The following ARSB variants were observed in gnomAD, a reference collection of about 807,000 sequenced individuals.
ARSB encodes the protein N-acetylgalactosamine-4-sulfatase.
A neutral mutation model predicts 50.9 loss-of-function variants in ARSB; 41 were observed. The observed-to-expected ratio is 0.81, with a 90% CI of 0.63 to 1.04. ARSB has a LOEUF of 1.04. ARSB is among the 50% of genes least tolerant of loss of function. The pLI, the probability that ARSB is intolerant of heterozygous loss-of-function variation, is 0.00. For missense variants in ARSB, 672 were observed against 693.3 expected (o/e 0.97, Z 0.35); for synonymous variants, 269 against 284.8 (o/e 0.94, Z 0.56).
At position 78,846,962 on chromosome 5, in the gene ARSB, G is replaced by C. The variant is rs186486085; in HGVS notation, c.1143-7536C>G. ...TAGTTGAGTGTTTTGATTATGAAGC[G>C]ATGTTGAATTGTATCAAATCCTTTT... On this transcript the variant is annotated intron_variant, in intron 5 of 7. Transcript: ENST00000264914. Among the ~76,000 whole-genome samples, 90 of 152,146 alleles carry C rather than the reference G, an allele frequency of 5.9e-4. 1 individual carries two copies. The highest frequency in any genetic ancestry group is 2.1e-3 in the African/African-American group (87 of 41,512).
At chr5:78,953,537 T>C (rs1751575227) in intron 4 of ARSB, among the ~76,000 whole-genome samples, 1 of 152,178 alleles carries the variant, frequency 6.6e-6, no homozygotes, top group Non-Finnish European at 1.5e-5. Flanking sequence ...TATGCCTGAT[T>C]GAAAGCAAAA....
In ARSB at chr5:78,964,406, C is replaced by T. The variant is rs1346024537; in HGVS notation, c.690+10G>A. On this transcript the variant is annotated intron_variant, in intron 3 of 7. Coordinates refer to ENST00000264914, the MANE Select transcript of ARSB (RefSeq NM_000046.5). ...AGATTTTGCTATCAGTAAATAGAAG[C>T]AAAACTTACCTTCTCTGGTGGATGG... 2 of 1,613,372 alleles carry T rather than the reference C, an allele frequency of 1.2e-6. No individual in the cohort carries two copies. Among genetic ancestry groups the T allele is most frequent in the Admixed American group, 3.3e-5 (2 of 60,018 alleles).
At chr5:78,949,737 T>C (rs968072275) in intron 4 of ARSB, among the ~76,000 whole-genome samples, 1 of 152,006 alleles carries the variant, frequency 6.6e-6, no homozygotes, top group African/African-American at 2.4e-5. Flanking sequence ...TGGCGAAACC[T>C]TGTCTCTCCT....
chr5:78,800,685 A>C (rs2112644838), intron 6 of ARSB, among the ~76,000 whole-genome samples: 1 of 152,366 alleles, frequency 6.6e-6, no homozygotes, highest in South Asian at 2.1e-4. Flanking sequence ...TAAGAAGCTT[A>C]GAATGAATTG....
intron 6 of ARSB, among the ~76,000 whole-genome samples, chr5:78,801,166 C>T (rs146693998): frequency 3.1e-3 from 474 of 152,264 alleles, no homozygotes; most frequent in Admixed American, 4.6e-3. Context: ...AGACACATCT[C>T]CATGTTCATT....
At chr5:78,855,794 T>A (rs894063) in intron 5 of ARSB, among the ~76,000 whole-genome samples, 8,108 of 152,162 alleles carry the variant, frequency 0.053, 491 homozygotes, top group African/African-American at 0.15. Context: ...TCCTTTTGTT[T>A]ACCTCCTTGC....
intron 6 of ARSB, among the ~76,000 whole-genome samples, chr5:78,822,082 G>C (rs1459386158): frequency 6.6e-6 from 1 of 152,018 alleles, no homozygotes; most frequent in Non-Finnish European, 1.5e-5. Flanking sequence ...TTTCTGTTGG[G>C]GTAATGAATT....
intron 5 of ARSB, 69 bp from the exon 6 acceptor site, chr5:78,839,495 C>A: frequency 7.2e-7 from 1 of 1,382,284 alleles, no homozygotes; most frequent in East Asian, 2.3e-5. Flanking sequence ...TTAATACTTC[C>A]CTTCCTTGTA....
intron 4 of ARSB, among the ~76,000 whole-genome samples, chr5:78,947,975 C>A (rs892176175): frequency 6.6e-6 from 1 of 152,140 alleles, no homozygotes; most frequent in Admixed American, 6.6e-5. Context: ...AGATCAACCA[C>A]GTGCAACAAC....
chr5:78,885,934 A>G, intron 4 of ARSB, 107 bp from the exon 5 acceptor site: 2 of 1,566,024 alleles, frequency 1.3e-6, no homozygotes, highest in Non-Finnish European at 1.7e-6. Flanking sequence ...AATAATAAAA[A>G]AAAAGAAAAT....
chr5:78,851,336 G>A (rs562106675), intron 5 of ARSB, among the ~76,000 whole-genome samples: 1 of 152,222 alleles, frequency 6.6e-6, no homozygotes, highest in African/African-American at 2.4e-5. Flanking sequence ...TCATTCAGGA[G>A]TAGGTTGTTC....
At chr5:78,788,065 G>T (rs905802928) in intron 6 of ARSB, among the ~76,000 whole-genome samples, 2 of 152,218 alleles carry the variant, frequency 1.3e-5, no homozygotes, top group African/African-American at 4.8e-5. Flanking sequence ...TTCAGATGGC[G>T]AATCAGAAGA....
intron 6 of ARSB, among the ~76,000 whole-genome samples, chr5:78,785,241 T>A (rs973747917): frequency 1.3e-5 from 2 of 151,936 alleles, no homozygotes; most frequent in East Asian, 1.9e-4. Context: ...TTATTTTTTT[T>A]ATAACCTTTT....
At chr5:78,810,139 G>A (rs1023516843) in intron 6 of ARSB, among the ~76,000 whole-genome samples, 5 of 152,214 alleles carry the variant, frequency 3.3e-5, no homozygotes, top group Non-Finnish European at 7.3e-5. Context: ...TGGCCTCCTA[G>A]AACCTCCCTA....
intron 5 of ARSB, among the ~76,000 whole-genome samples, chr5:78,867,238 G>A (rs1203849486): frequency 6.6e-6 from 1 of 152,236 alleles, no homozygotes; most frequent in South Asian, 2.1e-4. Flanking sequence ...GCGAGGCTGG[G>A]GGAGAGGCGC....
At chr5:78,968,250 T>C (rs1167345390) in intron 2 of ARSB, among the ~76,000 whole-genome samples, 1 of 151,206 alleles carries the variant, frequency 6.6e-6, no homozygotes, top group Non-Finnish European at 1.5e-5. Context: ...GGAAAAATTG[T>C]GAATACATTC....
rs1156914740 is a variant in ARSB at position 78,811,115 on chromosome 5, C to T, written c.1213+28241G>A. 2.6e-5 allele frequency among the ~76,000 whole-genome samples: 4 copies of T among 152,306 alleles called. No homozygotes were observed. The East Asian group carries it at 7.7e-4, about 29-fold the overall frequency. The stretch of plus-strand genomic sequence containing the variant: ...GAAGCATGCGTTTGACACTCACAAC[C>T]CGCTGCCATCCTATCATCATGTTAG... On this transcript the variant is annotated intron_variant, in intron 6 of 7. Coordinates refer to ENST00000264914, the MANE Select transcript of ARSB (RefSeq NM_000046.5).
chr5:78,975,545 G>A (rs1024286736), intron 1 of ARSB, among the ~76,000 whole-genome samples: 1 of 152,196 alleles, frequency 6.6e-6, no homozygotes, highest in Non-Finnish European at 1.5e-5. Context: ...AAGGTTTATG[G>A]AGTTCTGGTG....
At chr5:78,784,397 T>C (rs945340974) in intron 6 of ARSB, among the ~76,000 whole-genome samples, 3 of 152,226 alleles carry the variant, frequency 2.0e-5, no homozygotes, top group African/African-American at 7.2e-5. Flanking sequence ...CTATTTATAA[T>C]AGTCAAGATA....
Sources: allele counts gnomAD v4.1 joint callset (sites outside exome capture counted in the v4.1 genomes callset), GRCh38; gene constraint gnomAD v4.1.1; transcripts MANE v1.5; gene names NCBI Gene and HGNC (gene_info 2026-07-23, HGNC 2026-07-21).